The following PCDHGB1 variants were observed in gnomAD, a reference collection of about 807,000 sequenced individuals.
The protein encoded by PCDHGB1 is protocadherin gamma subfamily B, 1.
In PCDHGB1, 34 loss-of-function variants were observed where a neutral mutation model predicts 56.6. That is an observed-to-expected ratio of 0.60 (90% confidence interval 0.46 to 0.80). PCDHGB1 has a LOEUF of 0.80. Ranked by LOEUF, PCDHGB1 falls within the 30% of genes least tolerant of loss-of-function variation. The pLI is 0.00. For synonymous variants in PCDHGB1, 561 were observed against 505.9 expected (o/e 1.11, Z -1.46); for missense variants, 1,278 against 1,204.6 (o/e 1.06, Z -0.90).
Position 141,414,386 on chromosome 5 carries a change from G to A in PCDHGB1, c.2409+61717G>A, listed in dbSNP as rs746637010. On this transcript the variant is annotated intron_variant, in intron 1 of 3. Transcript: ENST00000523390. ...TTTAAATTAGAAAAGTCCATTGACA[G>A]TTATTACAGATTGGTGATACACAGA... is the stretch of plus-strand genomic sequence containing the variant. The A allele has an allele frequency of 1.9e-6, 3 of 1,613,906 alleles. No homozygotes were observed. The Admixed American group carries it at 5.0e-5, about 27-fold the overall frequency.
In PCDHGB1 at chr5:141,390,024, C is replaced by T. The variant is rs1449274096; in HGVS notation, c.2409+37355C>T. ...GATTCTGGCCATTGCCTTGCGCCTG[C>T]GACGCTCCTCCAGCCCCGCCTCCTG... On this transcript the variant is annotated intron_variant, in intron 1 of 3. Transcript: ENST00000523390. 6 of 1,613,926 alleles carry T rather than the reference C, an allele frequency of 3.7e-6. No homozygotes were observed. In the African/African-American group the frequency reaches 4.0e-5, roughly 11 times the overall value.
chr5:141,490,891 C>A lies in PCDHGB1; in HGVS notation c.2410-3916C>A, dbSNP rs1462296497. The A allele has an allele frequency of 6.2e-7, 1 of 1,613,204 alleles. No homozygotes were observed. Among genetic ancestry groups the A allele is most frequent in the Non-Finnish European group, 8.5e-7 (1 of 1,179,262 alleles). On this transcript the variant is annotated intron_variant, in intron 1 of 3. Transcript: ENST00000523390. This position sits in a 1 kb window ranked among gnomAD's most constrained non-coding sequence, Gnocchi z 5.4. ...CCCATTGCATGCCAACACATCTCTGCATGTGTTTGTCCTAGACGAGAATGA... is the reference window on the plus strand; with the variant it reads ...CCCATTGCATGCCAACACATCTCTGAATGTGTTTGTCCTAGACGAGAATGA...
intron 1 of PCDHGB1, chr5:141,393,056 C>A: frequency 6.2e-7 from 1 of 1,613,606 alleles, no homozygotes; most frequent in Non-Finnish European, 8.5e-7. Flanking sequence ...ACCCGCGCAG[C>A]GGCAGCTTGA....
Position 141,351,386 on chromosome 5 carries a change from G to A in PCDHGB1, c.1126G>A (p.Gly376Ser), listed in dbSNP as rs2149762334. The A allele has an allele frequency of 6.2e-7, 1 of 1,612,026 alleles. No homozygotes were observed. ...GCGAGACAAGGATTCTGGGCAAAATGGCATGGTGACATGCTATACTCAGGA... is the reference window on the plus strand; with the variant it reads ...GCGAGACAAGGATTCTGGGCAAAATAGCATGGTGACATGCTATACTCAGGA... ...KVRDKDSGQN[G>S]MVTCYTQEEV... The change falls in exon 1 of 4, where the codon GGC becomes AGC. Residue 376 changes from glycine (G) to serine (S), a missense_variant. Coordinates refer to ENST00000523390, the MANE Select transcript of PCDHGB1 (RefSeq NM_018922.3).
intron 1 of PCDHGB1, chr5:141,384,681 G>A (rs1373910602): frequency 6.2e-7 from 1 of 1,614,180 alleles, no homozygotes; most frequent in South Asian, 1.1e-5. Context: ...TGGTGGCGGT[G>A]GACAAAGATT....
chr5:141,423,297 C>G lies in PCDHGB1; in HGVS notation c.2409+70628C>G, dbSNP rs1322889810. 3 of 1,614,170 alleles carry G rather than the reference C, an allele frequency of 1.9e-6. 1 individual carries two copies. The South Asian group carries it at 3.3e-5, about 18-fold the overall frequency. The stretch of plus-strand genomic sequence containing the variant: ...TGGCTAACTCTGAAACCTCAGACCT[C>G]TCGCTGTACTTGGTGGTGGCGGTGG... On this transcript the variant is annotated intron_variant, in intron 1 of 3. Transcript: ENST00000523390.
At chr5:141,421,407 G>T in intron 1 of PCDHGB1, 1 of 1,614,076 alleles carries the variant, frequency 6.2e-7, no homozygotes. Flanking sequence ...CCCGGGAGCT[G>T]GCGAAGCGCG....
In PCDHGB1 at chr5:141,375,962, C is replaced by A. The variant is rs763635174; in HGVS notation, c.2409+23293C>A. 4 of 1,613,344 alleles carry A rather than the reference C, an allele frequency of 2.5e-6. No homozygotes were observed. The South Asian group carries it at 3.3e-5, about 13-fold the overall frequency. On this transcript the variant is annotated intron_variant, in intron 1 of 3. Coordinates refer to ENST00000523390, the MANE Select transcript of PCDHGB1 (RefSeq NM_018922.3). Reference sequence around the variant, plus strand: ...AGTGGGCCTGCACACGGGCGAGGTGCGCACGGCGCGCGCCCTGCTGGACAG... The same window carrying A: ...AGTGGGCCTGCACACGGGCGAGGTGAGCACGGCGCGCGCCCTGCTGGACAG...
chr5:141,473,497 C>T (rs2099323546), intron 1 of PCDHGB1, among the ~76,000 whole-genome samples: 1 of 152,106 alleles, frequency 6.6e-6, no homozygotes, highest in Non-Finnish European at 1.5e-5. Context: ...ATAAGGTGTT[C>T]TGAGAGAGCA....
At chr5:141,483,918 T>G (rs2099588800) in intron 1 of PCDHGB1, among the ~76,000 whole-genome samples, 1 of 150,512 alleles carries the variant, frequency 6.6e-6, no homozygotes, top group Non-Finnish European at 1.5e-5. Flanking sequence ...CCACTCAGAT[T>G]GCAGGTCGTA....
intron 1 of PCDHGB1, among the ~76,000 whole-genome samples, chr5:141,482,988 G>A (rs982148755): frequency 2.6e-5 from 4 of 152,112 alleles, no homozygotes; most frequent in South Asian, 2.1e-4. Context: ...GAGAGGTCGA[G>A]GCAGGAGAAT....
Position 141,355,864 on chromosome 5 carries a change from C to T in PCDHGB1, c.2409+3195C>T, listed in dbSNP as rs749145164. 1 of 1,612,570 alleles carries T rather than the reference C, an allele frequency of 6.2e-7. No individual in the cohort carries two copies. Among genetic ancestry groups the T allele is most frequent in the Admixed American group, 1.7e-5 (1 of 59,822 alleles). On this transcript the variant is annotated intron_variant, in intron 1 of 3. Coordinates refer to ENST00000523390, the MANE Select transcript of PCDHGB1 (RefSeq NM_018922.3). ...GGCCTTCGATGGAGGTGACCCGGTT[C>T]GCTCTGGCACTGCCAGGATTCTCAT...
chr5:141,361,069 G>C, intron 1 of PCDHGB1: 1 of 1,613,910 alleles, frequency 6.2e-7, no homozygotes, highest in Non-Finnish European at 8.5e-7. Flanking sequence ...TTTTGAGATT[G>C]CAAGTAGTTA....
At chr5:141,488,021 C>A (rs570700985) in intron 1 of PCDHGB1, among the ~76,000 whole-genome samples, 1 of 152,244 alleles carries the variant, frequency 6.6e-6, no homozygotes, top group East Asian at 1.9e-4. Flanking sequence ...TACCTTAACT[C>A]TAGGTTACCA....
In PCDHGB1 at chr5:141,430,181, T is replaced by A. The variant is rs561671481; in HGVS notation, c.2410-64626T>A. ...TCTATTTAAAAATATTTTCCCCAAA[T>A]TATAGCTGAATCAGAAAGTTTAAAT... On this transcript the variant is annotated intron_variant, in intron 1 of 3. Transcript: ENST00000523390. 2.0e-5 allele frequency among the ~76,000 whole-genome samples: 3 copies of A among 152,252 alleles called. No homozygotes were observed. The South Asian group carries it at 6.2e-4, about 32-fold the overall frequency.
chr5:141,351,809 G>A lies in PCDHGB1; in HGVS notation c.1549G>A (p.Asp517Asn). ...GGTGGTGTTCGCGCAGCGCGCCTTC[G>A]ACCACGAGCAGCTGCGCGCCTTCGA... Reference protein sequence around the residue: ...SGVVFAQRAFDHEQLRAFELT... With the variant: ...SGVVFAQRAFNHEQLRAFELT... Residue 517 changes from aspartate (D) to asparagine (N), a missense_variant, in exon 1 of 4, where the codon GAC (aspartate) becomes AAC (asparagine). Asp to Asn is a conservative substitution (Grantham distance 23, BLOSUM62 1). Coordinates refer to ENST00000523390, the MANE Select transcript of PCDHGB1 (RefSeq NM_018922.3). 1 of 1,613,290 alleles carries A rather than the reference G, an allele frequency of 6.2e-7. No homozygotes were observed. Among genetic ancestry groups the A allele is most frequent in the Non-Finnish European group, 8.5e-7 (1 of 1,179,882 alleles).
Position 141,383,405 on chromosome 5 carries a change from G to A in PCDHGB1, c.2409+30736G>A, listed in dbSNP as rs189408749. 100 of 1,614,016 alleles carry A rather than the reference G, an allele frequency of 6.2e-5. No individual in the cohort carries two copies. In the Middle Eastern group the frequency reaches 9.9e-4, roughly 16 times the overall value. ...GATGTGGGCACGAACTCCCTCCAGA[G>A]TTACCAGCTCAGCCCCAATCGCCAC... On this transcript the variant is annotated intron_variant, in intron 1 of 3. Coordinates refer to ENST00000523390, the MANE Select transcript of PCDHGB1 (RefSeq NM_018922.3).
rs768722501 is a variant in PCDHGB1 at position 141,352,217 on chromosome 5, A to G, written c.1957A>G (p.Thr653Ala). The stretch of plus-strand genomic sequence containing the variant: ...TGGAGGACAGCCGCCACTCTCCGCC[A>G]CCGCCACGCTGCACCTAATCTTCGC... ...RDGGQPPLSA[T>A]ATLHLIFADS... The change falls in exon 1 of 4, where the codon ACC becomes GCC. Residue 653 changes from threonine (T) to alanine (A), a missense_variant. Thr to Ala is a moderately conservative substitution (Grantham distance 58). Transcript: ENST00000523390. 1.8e-5 allele frequency: 29 copies of G among 1,613,998 alleles called. No individual in the cohort carries two copies. The South Asian group carries it at 2.9e-4, about 16-fold the overall frequency.
chr5:141,368,946 T>C (rs1330631003), intron 1 of PCDHGB1, among the ~76,000 whole-genome samples: 1 of 152,202 alleles, frequency 6.6e-6, no homozygotes, highest in Non-Finnish European at 1.5e-5. Context: ...CTGGTTACTG[T>C]GAGTAGTTTA....
Sources: gnomAD v4.1 joint callset for allele counts (sites outside exome capture counted in the v4.1 genomes callset) on GRCh38, gnomAD v4.1.1 for gene constraint, Gnocchi (gnomAD v3.1) non-coding constraint, MANE v1.5 for transcripts, NCBI Gene and HGNC (gene_info 2026-07-23, HGNC 2026-07-21) for gene names.